The following TRIM9 variants were observed in gnomAD, a reference collection of about 807,000 sequenced individuals.
TRIM9 encodes the protein E3 ubiquitin-protein ligase TRIM9.
TRIM9 carries 26 observed loss-of-function variants against 78.3 expected under a neutral mutation model. The observed-to-expected ratio is 0.33, with a 90% CI of 0.24 to 0.46. The LOEUF (loss-of-function observed/expected upper bound fraction) is 0.46, where lower values mean the gene tolerates loss of function less well. Ranked by LOEUF, TRIM9 falls within the 20% of genes least tolerant of loss-of-function variation. The probability of loss-of-function intolerance (pLI) is 1.00; values close to 1 mark genes in which losing one functional copy is unlikely to be tolerated. For missense variants in TRIM9, 787 were observed against 1,036.4 expected (o/e 0.76, Z 3.30); for synonymous variants, 398 against 416.5 (o/e 0.96, Z 0.54).
intron 3 of TRIM9, among the ~76,000 whole-genome samples, chr14:51,015,964 C>T (rs1196539297): frequency 6.6e-6 from 1 of 152,112 alleles, no homozygotes; most frequent in Non-Finnish European, 1.5e-5. Context: ...AAAACAATTT[C>T]CCCCAAGCAT....
chr14:51,044,926 T>A (rs1004776927), intron 1 of TRIM9, among the ~76,000 whole-genome samples: 10 of 152,312 alleles, frequency 6.6e-5, no homozygotes, highest in African/African-American at 2.4e-4. Flanking sequence ...ATCCAGGCTA[T>A]CCTAACATCA....
intron 2 of TRIM9, 32 bp downstream of exon 2, chr14:51,025,233 G>A (rs774364540): frequency 6.3e-6 from 10 of 1,585,458 alleles, no homozygotes; most frequent in African/African-American, 1.3e-5. Context: ...ATTAACCGGC[G>A]GGTTTCCTTG....
chr14:51,059,466 A>G (rs76525318), intron 1 of TRIM9, among the ~76,000 whole-genome samples: 12,462 of 151,540 alleles, frequency 0.082, 674 homozygotes, highest in African/African-American at 0.15. Flanking sequence ...TTGGGAGCAC[A>G]ATGAAGAGAA....
chr14:50,986,243 G>GCCTC, intron 7 of TRIM9, 99 bp from the exon 8 acceptor site: 1 of 1,050,202 alleles, frequency 9.5e-7, no homozygotes, highest in Non-Finnish European at 1.3e-6. Flanking sequence ...TTCATACAAA[G>GCCTC]CCTCATCTTT....
intron 5 of TRIM9, among the ~76,000 whole-genome samples, chr14:51,008,430 G>T (rs1348384202): frequency 6.6e-6 from 1 of 152,060 alleles, no homozygotes; most frequent in Admixed American, 6.5e-5. Context: ...TTTCAAATGG[G>T]TATTACACTG....
intron 1 of TRIM9, among the ~76,000 whole-genome samples, chr14:51,026,521 C>G (rs570874150): frequency 6.6e-6 from 1 of 152,178 alleles, no homozygotes; most frequent in African/African-American, 2.4e-5. Context: ...CAGAGACAGA[C>G]TCCCTTTCCT....
intron 11 of TRIM9, among the ~76,000 whole-genome samples, chr14:50,980,732 A>G (rs781365920): frequency 2.6e-5 from 4 of 152,250 alleles, no homozygotes; most frequent in Non-Finnish European, 4.4e-5. Context: ...ATCACTGAAG[A>G]TAACCACTTA....
intron 3 of TRIM9, among the ~76,000 whole-genome samples, chr14:51,011,237 C>A (rs2056541326): frequency 6.6e-6 from 1 of 152,238 alleles, no homozygotes; most frequent in South Asian, 2.1e-4. Context: ...CAAGCGGTTT[C>A]TGCTTCTAAG....
intron 1 of TRIM9, among the ~76,000 whole-genome samples, chr14:51,092,228 G>A (rs2064416822): frequency 6.6e-6 from 1 of 152,190 alleles, no homozygotes; most frequent in South Asian, 2.1e-4. Flanking sequence ...CGACTGTTCT[G>A]AAAACAGTGG....
intron 1 of TRIM9, among the ~76,000 whole-genome samples, chr14:51,070,151 C>T (rs999208208): frequency 1.4e-4 from 21 of 152,136 alleles, no homozygotes; most frequent in Non-Finnish European, 2.5e-4. Context: ...AAACACAATC[C>T]TTAAATGCTG....
rs138045229 is a variant in TRIM9 at position 50,977,419 on chromosome 14, C to T, written c.2326-66G>A. 157 of 1,259,822 alleles carry T rather than the reference C, an allele frequency of 1.2e-4. 1 individual carries two copies. In the East Asian group the frequency reaches 3.5e-3, roughly 28 times the overall value. 78.0% of individuals were successfully genotyped at this position (1,259,822 alleles called of 1,614,324 possible). A position where few individuals can be genotyped will look rare whatever the true frequency, so the allele number is the denominator to read the frequency against. On this transcript the variant is annotated intron_variant, in intron 12 of 12. Transcript: ENST00000684578. ...CCCCCTGTCCCTTTACACAGTGTACCGTGGGTGTGTCCCTAACTCAAAAAG... is the reference window on the plus strand; with the variant it reads ...CCCCCTGTCCCTTTACACAGTGTACTGTGGGTGTGTCCCTAACTCAAAAAG...
chr14:51,075,659 C>T (rs1418703829), intron 1 of TRIM9, among the ~76,000 whole-genome samples: 3 of 152,180 alleles, frequency 2.0e-5, no homozygotes, highest in Non-Finnish European at 4.4e-5. Context: ...TGCAGACTCC[C>T]AGAGGTGAGT....
intron 8 of TRIM9, 134 bp downstream of exon 8, chr14:50,985,822 C>T (rs1214145961): frequency 5.1e-6 from 4 of 788,354 alleles, no homozygotes; most frequent in South Asian, 7.8e-5. Context: ...GCTCCTCATA[C>T]GGAAAGCAGG....
chr14:51,088,069 T>C (rs2063934415), intron 1 of TRIM9, among the ~76,000 whole-genome samples: 1 of 152,238 alleles, frequency 6.6e-6, no homozygotes, highest in Admixed American at 6.5e-5. Flanking sequence ...TCTTTGACTT[T>C]TAATGTTTAA....
Position 51,094,965 on chromosome 14 carries a change from G to T in TRIM9, c.-26C>A. 1 of 1,398,258 alleles carries T rather than the reference G, an allele frequency of 7.2e-7. No homozygotes were observed. Among genetic ancestry groups the T allele is most frequent in the Non-Finnish European group, 9.3e-7 (1 of 1,072,080 alleles). 86.6% of individuals were successfully genotyped at this position (1,398,258 alleles called of 1,614,324 possible). ...GGGGACCGGTCTGGGAGGAGACAGCGACGGCTGCAGCGGGTGCCTGAGCTG... is the reference window on the plus strand; with the variant it reads ...GGGGACCGGTCTGGGAGGAGACAGCTACGGCTGCAGCGGGTGCCTGAGCTG... On this transcript the variant is annotated 5_prime_UTR_variant, in exon 1 of 13. Coordinates refer to ENST00000684578, the MANE Select transcript of TRIM9 (RefSeq NM_001387360.1).
intron 1 of TRIM9, among the ~76,000 whole-genome samples, chr14:51,067,882 CT>C (rs1430527923): frequency 6.6e-6 from 1 of 152,168 alleles, no homozygotes; most frequent in Non-Finnish European, 1.5e-5. Context: ...TGTGTTATGG[CT>C]ATTTCTTCCA....
chr14:51,050,293 TG>T lies in TRIM9; in HGVS notation c.823-24934del, dbSNP rs2060293043. On this transcript the variant is annotated intron_variant, in intron 1 of 12. Coordinates refer to ENST00000684578, the MANE Select transcript of TRIM9 (RefSeq NM_001387360.1). ...GACCTGGTGGGAGATAATTGAATCA[TG>T]GGGGCAGTTTTCCCCATACTGTTCT... is the stretch of plus-strand genomic sequence containing the variant. Among the ~76,000 whole-genome samples the T allele has an allele frequency of 1.3e-5, 2 of 152,246 alleles. 1 individual carries two copies. The highest frequency in any genetic ancestry group is 3.9e-4 in the East Asian group (2 of 5,180).
intron 1 of TRIM9, among the ~76,000 whole-genome samples, chr14:51,027,175 ACTCT>A (rs1174893394): frequency 8.6e-6 from 1 of 116,852 alleles, no homozygotes; most frequent in Non-Finnish European, 1.6e-5. Flanking sequence ...ACAGAGTCTC[ACTCT>A]CTCACCCAGG....
At chr14:51,089,754 AC>A (rs2064136478) in intron 1 of TRIM9, among the ~76,000 whole-genome samples, 1 of 152,218 alleles carries the variant, frequency 6.6e-6, no homozygotes, top group Non-Finnish European at 1.5e-5. Flanking sequence ...CTTTTAGGCC[AC>A]CTTTCAGAGC....
Sources: gnomAD v4.1 joint callset for allele counts (sites outside exome capture counted in the v4.1 genomes callset) on GRCh38, gnomAD v4.1.1 for gene constraint, MANE v1.5 for transcripts, NCBI Gene and HGNC (gene_info 2026-07-23, HGNC 2026-07-21) for gene names.